ACP3: variants seen among roughly 807,000 people sequenced by gnomAD.
The protein encoded by ACP3 is acid phosphatase 3.
ACP3 carries 38 observed loss-of-function variants against 45.6 expected under a neutral mutation model. The observed-to-expected ratio is 0.83, with a 90% CI of 0.64 to 1.09. The LOEUF is 1.09. Ranked by LOEUF, ACP3 falls within the 50% of genes least tolerant of loss-of-function variation. The pLI, the probability that ACP3 is intolerant of heterozygous loss-of-function variation, is 0.00. For missense variants in ACP3, 466 were observed against 463.2 expected, an observed-to-expected ratio of 1.01 and a Z score of -0.05; for synonymous variants, 162 against 164.7, an observed-to-expected ratio of 0.98 and a Z score of 0.13.
chr3:132,363,705 G>C (rs1316402025), downstream of ACP3, among the ~76,000 whole-genome samples: 1 of 151,920 alleles, frequency 6.6e-6, no homozygotes, highest in Non-Finnish European at 1.5e-5. Context: ...TTGGGAGGCC[G>C]AGGGGGTGAA....
intron 10 of ACP3, among the ~76,000 whole-genome samples, chr3:132,366,346 G>C (rs1938131996): frequency 6.6e-6 from 1 of 151,700 alleles, no homozygotes; most frequent in African/African-American, 2.4e-5. Flanking sequence ...ATAGAAACAA[G>C]GGAACAAATA....
At chr3:132,331,196 G>A (rs1282964284) in intron 2 of ACP3, among the ~76,000 whole-genome samples, 1 of 152,130 alleles carries the variant, frequency 6.6e-6, no homozygotes, top group Non-Finnish European at 1.5e-5. Flanking sequence ...TAATAAACTG[G>A]GCAGATAGTA....
rs1053783727 is a variant in ACP3, at chr3:132,345,637, C to G, written c.781+578C>G. On this transcript the variant is annotated intron_variant, in intron 7 of 9. Transcript: ENST00000336375. Reference sequence around the variant, plus strand: ...TGTTGCAATTGACAAGTTTATAACACAGCTTGAAATTTTTCATTGACATTG... The same window carrying G: ...TGTTGCAATTGACAAGTTTATAACAGAGCTTGAAATTTTTCATTGACATTG... 5.9e-5 allele frequency among the ~76,000 whole-genome samples: 9 copies of G among 152,294 alleles called. No individual in the cohort carries two copies. The East Asian group carries it at 7.7e-4, about 13-fold the overall frequency.
intron 4 of ACP3, among the ~76,000 whole-genome samples, chr3:132,332,843 A>G (rs919800707): frequency 1.3e-5 from 2 of 152,208 alleles, no homozygotes; most frequent in Non-Finnish European, 2.9e-5. Context: ...GTTACCTTTC[A>G]TAACAACTCT....
At chr3:132,337,847 G>A (rs1937514931) in intron 5 of ACP3, among the ~76,000 whole-genome samples, 2 of 152,098 alleles carry the variant, frequency 1.3e-5, no homozygotes, top group Admixed American at 6.5e-5. Flanking sequence ...ATAAATATAA[G>A]TCTAAAATCA....
chr3:132,353,808 T>A (rs1051024715), intron 9 of ACP3, among the ~76,000 whole-genome samples: 1 of 152,234 alleles, frequency 6.6e-6, no homozygotes, highest in African/African-American at 2.4e-5. Context: ...GCAAATTTTG[T>A]AGTCTTGGAT....
At chr3:132,344,277 CAAA>C (rs56793876) in intron 6 of ACP3, among the ~76,000 whole-genome samples, 42 of 99,366 alleles carry the variant, frequency 4.2e-4, no homozygotes, top group African/African-American at 1.4e-3. Flanking sequence ...GATTCTGTCT[CAAA>C]AAAAAAAAAA....
At chr3:132,359,464 C>T (rs968230460), downstream of ACP3, among the ~76,000 whole-genome samples, 10 of 151,978 alleles carry the variant, frequency 6.6e-5, no homozygotes, top group East Asian at 3.9e-4. Context: ...GCCGAGATCG[C>T]GCCACTGCAC....
At chr3:132,324,557 G>A (rs1937262502) in intron 1 of ACP3, among the ~76,000 whole-genome samples, 1 of 152,108 alleles carries the variant, frequency 6.6e-6, no homozygotes, top group African/African-American at 2.4e-5. Flanking sequence ...CCTCAGACGG[G>A]GATGTAATAA....
At chr3:132,346,395 G>A (rs1937609118) in intron 7 of ACP3, among the ~76,000 whole-genome samples, 1 of 152,178 alleles carries the variant, frequency 6.6e-6, no homozygotes, top group Admixed American at 6.5e-5. Context: ...ACATGAGGTT[G>A]TTGTAGATCT....
chr3:132,356,730 A>C lies in ACP3; in HGVS notation c.1013A>C (p.Glu338Ala). 1 of 1,614,148 alleles carries C rather than the reference A, an allele frequency of 6.2e-7. No individual in the cohort carries two copies. The highest frequency in any genetic ancestry group is 1.7e-5 in the Admixed American group (1 of 60,020). ...TACTATCGGAATGAGACGCAGCACG[A>C]GCCGTATCCCCTCATGCTACCTGGC... is the stretch of plus-strand genomic sequence containing the variant. ...EMYYRNETQH[E>A]PYPLMLPGCS... Residue 338 changes from glutamate to alanine, a missense_variant, in exon 10 of 10, where the codon GAG (glutamate) becomes GCG (alanine). Coordinates refer to ENST00000336375, the MANE Select transcript of ACP3 (RefSeq NM_001099.5).
intron 10 of ACP3, among the ~76,000 whole-genome samples, chr3:132,364,435 T>G (rs1171551769): frequency 6.6e-6 from 1 of 152,244 alleles, no homozygotes; most frequent in Non-Finnish European, 1.5e-5. Flanking sequence ...CAGTCATGTG[T>G]AACTCCTCAT....
At chr3:132,344,530 A>G (rs1937586883) in intron 6 of ACP3, among the ~76,000 whole-genome samples, 1 of 152,180 alleles carries the variant, frequency 6.6e-6, no homozygotes, top group Admixed American at 6.5e-5. Context: ...CCAGAAATAT[A>G]TTGCCTTTCC....
Position 132,342,651 on chromosome 3 carries a change from G to GA in ACP3, c.648+16dup, listed in dbSNP as rs202202968. 33,884 of 1,520,536 alleles carry GA rather than the reference G, an allele frequency of 0.022. 354 individuals are homozygous for GA. Among genetic ancestry groups the GA allele is most frequent in the Non-Finnish European group, 0.025 (28,570 of 1,124,204 alleles). 94.2% of individuals were successfully genotyped at this position (1,520,536 alleles called of 1,614,324 possible). On this transcript the variant is annotated splice_region_variant and intron_variant, in intron 6 of 9. Transcript: ENST00000336375. ...CGACCCTTTATATTGTGAGGTAAAA[G>GA]AAAAAAAAATCACAGGTTAACTTGC...
At chr3:132,317,674 C>G (rs992556134) in intron 1 of ACP3, 98 bp downstream of exon 1, 4 of 1,353,462 alleles carry the variant, frequency 3.0e-6, no homozygotes, top group Non-Finnish European at 3.9e-6. Flanking sequence ...TGGATTGTTT[C>G]CCAGAGACCA....
chr3:132,358,600 C>T lies in ACP3; in HGVS notation c.*1722C>T, dbSNP rs1182810326. Reference sequence around the variant, plus strand: ...AAAGCCATCCCCGCTCCTGGTTGGTCACAGAATGACTGACAAAGACATCGA... The same window carrying T: ...AAAGCCATCCCCGCTCCTGGTTGGTTACAGAATGACTGACAAAGACATCGA... On this transcript the variant is annotated 3_prime_UTR_variant, in exon 10 of 10. Coordinates refer to ENST00000336375, the MANE Select transcript of ACP3 (RefSeq NM_001099.5). The T allele has an allele frequency of 2.8e-6, 3 of 1,085,100 alleles. No homozygotes were observed. The highest frequency in any genetic ancestry group is 3.4e-6 in the Non-Finnish European group (3 of 878,482). 67.2% of individuals were successfully genotyped at this position (1,085,100 alleles called of 1,614,324 possible).
chr3:132,328,526 A>C (rs7651851), intron 2 of ACP3, among the ~76,000 whole-genome samples, 164 bp downstream of exon 2: 3,646 of 152,108 alleles, frequency 0.024, 170 homozygotes, highest in African/African-American at 0.083. Flanking sequence ...TAAAAATACA[A>C]AAATTAGCCA....
At chr3:132,321,576 A>G (rs1937208030) in intron 1 of ACP3, among the ~76,000 whole-genome samples, 1 of 152,178 alleles carries the variant, frequency 6.6e-6, no homozygotes, top group African/African-American at 2.4e-5. Flanking sequence ...TTCTCCCCAG[A>G]TTTATGCCAA....
rs1024250830 is a variant in ACP3 at position 132,366,363 on chromosome 3, C to A, written c.1139-1341C>A. ...AGAAACAAGGGAACAAATAAGAGGC[C>A]ATTATAGTGATCCTGGCAAAAGACG... is the stretch of plus-strand genomic sequence containing the variant. On this transcript the variant is annotated intron_variant, in intron 10 of 10. Coordinates refer to the ACP3 transcript ENST00000351273. 2.0e-5 allele frequency among the ~76,000 whole-genome samples: 3 copies of A among 151,730 alleles called. No individual in the cohort carries two copies. In the South Asian group the frequency reaches 6.3e-4, roughly 32 times the overall value.
Sources: gnomAD v4.1 joint callset for allele counts (sites outside exome capture counted in the v4.1 genomes callset) on GRCh38, gnomAD v4.1.1 for gene constraint, MANE v1.5 for transcripts, NCBI Gene and HGNC (gene_info 2026-07-23, HGNC 2026-07-21) for gene names.